Variants in TTBK2 observed in about 807,000 individuals in gnomAD.
TTBK2 encodes the protein tau-tubulin kinase 2.
A neutral mutation model predicts 110.8 loss-of-function variants in TTBK2; 28 were observed. That is an observed-to-expected ratio of 0.25 (90% CI 0.19 to 0.35). The LOEUF (loss-of-function observed/expected upper bound fraction) is 0.35. TTBK2 is among the 10% of genes least tolerant of loss of function. TTBK2 has a pLI of 1.00. For missense variants in TTBK2, 1,369 were observed against 1,500.3 expected (o/e 0.91, Z 1.45); for synonymous variants, 532 against 527.3 (o/e 1.01, Z -0.12).
At chr15:42,781,219 T>C (rs149509623) in intron 11 of TTBK2, among the ~76,000 whole-genome samples, 33 of 151,796 alleles carry the variant, frequency 2.2e-4, no homozygotes, top group Admixed American at 1.1e-3. Flanking sequence ...AGGAACAGAA[T>C]AGAAATAGTC....
chr15:42,826,213 A>G (rs1352543173), intron 6 of TTBK2, among the ~76,000 whole-genome samples: 1 of 151,992 alleles, frequency 6.6e-6, no homozygotes, highest in African/African-American at 2.4e-5. Flanking sequence ...TATTTCAACC[A>G]CAATCCAAAA....
chr15:42,862,525 T>C (rs925374019), intron 3 of TTBK2, among the ~76,000 whole-genome samples: 1 of 152,108 alleles, frequency 6.6e-6, no homozygotes, highest in African/African-American at 2.4e-5. Context: ...AATTTTTCAA[T>C]AAAATCCAAC....
At chr15:42,833,100 G>A (rs1892828782) in intron 4 of TTBK2, among the ~76,000 whole-genome samples, 1 of 151,722 alleles carries the variant, frequency 6.6e-6, no homozygotes, top group African/African-American at 2.4e-5. Context: ...AGTGGGTACT[G>A]AGCTTAATAC....
chr15:42,783,530 A>G lies in TTBK2; in HGVS notation c.1086T>C (p.Gly362=). 6 of 1,614,150 alleles carry G rather than the reference A, an allele frequency of 3.7e-6. No individual in the cohort carries two copies. The highest frequency in any genetic ancestry group is 4.2e-6 in the Non-Finnish European group (5 of 1,180,030). The part of the protein sequence containing the change: ...LSDGENGIPV[G]VSPDKLPGSL... The stretch of plus-strand genomic sequence containing the variant: ...ATCCAGGCAATTTATCTGGTGACAC[A>G]CCAACAGGGATGCCATTTTCTCCAT... The change falls in exon 11 of 15, where the codon GGT becomes GGC. Residue 362 remains glycine, a synonymous_variant. Coordinates refer to ENST00000267890, the MANE Select transcript of TTBK2 (RefSeq NM_173500.4).
chr15:42,833,532 G>A (rs1892861378), intron 4 of TTBK2, among the ~76,000 whole-genome samples: 1 of 151,972 alleles, frequency 6.6e-6, no homozygotes. Flanking sequence ...CACATGTACT[G>A]AATTATTTTC....
intron 3 of TTBK2, among the ~76,000 whole-genome samples, chr15:42,851,757 T>G (rs757528521): frequency 6.6e-6 from 1 of 152,138 alleles, no homozygotes; most frequent in Non-Finnish European, 1.5e-5. Context: ...ATAGAACATT[T>G]CTGGAAGATA....
Position 42,892,410 on chromosome 15 carries a change from T to A in TTBK2, c.-67-13726A>T, listed in dbSNP as rs894103047. Among the ~76,000 whole-genome samples the A allele has an allele frequency of 7.2e-5, 11 of 152,096 alleles. No individual in the cohort carries two copies. In the East Asian group the frequency reaches 2.1e-3, roughly 29 times the overall value. ...GCCTAACATATTTATTATTTGGACC[T>A]TTAATAAAATGTTTGGCTGGGCACG... On this transcript the variant is annotated intron_variant, in intron 1 of 14. Transcript: ENST00000267890.
intron 3 of TTBK2, chr15:42,855,134 T>C (rs1022327430): frequency 6.6e-6 from 1 of 152,192 alleles, no homozygotes; most frequent in Non-Finnish European, 1.5e-5. Context: ...TGGAGTCCAA[T>C]GGCGCAATCT....
At chr15:42,774,788 G>T in intron 13 of TTBK2, among the ~76,000 whole-genome samples, 1 of 152,130 alleles carries the variant, frequency 6.6e-6, no homozygotes, top group East Asian at 1.9e-4. Context: ...TTAAATAGAT[G>T]CCTTCCTCAG....
At chr15:42,801,333 T>G in intron 9 of TTBK2, 3 of 1,588,914 alleles carry the variant, frequency 1.9e-6, no homozygotes, top group South Asian at 1.1e-5. Flanking sequence ...ACTGGCTAGC[T>G]GCAGGGCGGC....
At chr15:42,870,186 A>G (rs1394544283) in intron 3 of TTBK2, among the ~76,000 whole-genome samples, 1 of 152,088 alleles carries the variant, frequency 6.6e-6, no homozygotes, top group Non-Finnish European at 1.5e-5. Flanking sequence ...AAAAAAAATA[A>G]TAATAATAAT....
intron 11 of TTBK2, among the ~76,000 whole-genome samples, chr15:42,780,896 A>T (rs977316879): frequency 2.6e-5 from 4 of 152,146 alleles, no homozygotes; most frequent in African/African-American, 9.7e-5. Context: ...CCCGGGAGGC[A>T]GAGGTTGCAG....
At chr15:42,840,241 T>C in intron 4 of TTBK2, 119 bp downstream of exon 4, 1 of 906,402 alleles carries the variant, frequency 1.1e-6, no homozygotes, top group Non-Finnish European at 1.9e-6. Flanking sequence ...TCCATCTGCA[T>C]AGTATAAAAC....
At chr15:42,791,389 C>T (rs1214287683) in intron 10 of TTBK2, among the ~76,000 whole-genome samples, 3 of 152,146 alleles carry the variant, frequency 2.0e-5, no homozygotes, top group Non-Finnish European at 4.4e-5. Flanking sequence ...TGTTTTTCTT[C>T]TTCAGGGACT....
At chr15:42,794,528 C>T in intron 10 of TTBK2, 116 bp downstream of exon 10, 1 of 1,428,126 alleles carries the variant, frequency 7.0e-7, no homozygotes, top group Non-Finnish European at 9.9e-7. Context: ...AGGAGATCCA[C>T]AGGCTTTCCC....
intron 13 of TTBK2, among the ~76,000 whole-genome samples, chr15:42,769,483 A>T (rs577396442): frequency 0.26 from 40,134 of 151,666 alleles, 5,973 homozygotes; most frequent in African/African-American, 0.4. Flanking sequence ...GAAGACATTT[A>T]TGCAGCCAAC....
At chr15:42,869,908 G>A (rs1894545449) in intron 3 of TTBK2, among the ~76,000 whole-genome samples, 2 of 152,082 alleles carry the variant, frequency 1.3e-5, no homozygotes, top group African/African-American at 4.8e-5. Flanking sequence ...CAGGTGTAGT[G>A]GCTCACACCT....
At chr15:42,856,637 G>A (rs753866612) in intron 3 of TTBK2, among the ~76,000 whole-genome samples, 4 of 151,878 alleles carry the variant, frequency 2.6e-5, no homozygotes, top group East Asian at 1.9e-4. Context: ...TTGGGAGGCC[G>A]AAACAAAAAG....
chr15:42,901,742 A>T (rs1366710096), intron 1 of TTBK2, among the ~76,000 whole-genome samples: 1 of 152,242 alleles, frequency 6.6e-6, no homozygotes, highest in Non-Finnish European at 1.5e-5. Flanking sequence ...ATATCTGATA[A>T]GGGATTAACA....
Sources: allele counts gnomAD v4.1 joint callset (sites outside exome capture counted in the v4.1 genomes callset), GRCh38; gene constraint gnomAD v4.1.1; transcripts MANE v1.5; gene names NCBI Gene and HGNC (gene_info 2026-07-23, HGNC 2026-07-21).